Variants in PLA2G4A observed in about 807,000 individuals in gnomAD.
The protein encoded by PLA2G4A is phospholipase A2 group IVA.
A neutral mutation model predicts 81.9 loss-of-function variants in PLA2G4A; 40 were observed. That is an observed-to-expected ratio of 0.49 (90% CI 0.38 to 0.64). The LOEUF is 0.64. Ranked by LOEUF, PLA2G4A falls within the 30% of genes least tolerant of loss-of-function variation. The probability of loss-of-function intolerance (pLI) is 0.00; values close to 1 mark genes in which losing one functional copy is unlikely to be tolerated. For missense variants in PLA2G4A, 715 were observed against 905.1 expected (o/e 0.79, Z 2.69); for synonymous variants, 302 against 296.9 (o/e 1.02, Z -0.18).
chr1:186,927,350 G>A (rs895497003), intron 7 of PLA2G4A, among the ~76,000 whole-genome samples: 1 of 152,120 alleles, frequency 6.6e-6, no homozygotes, highest in African/African-American at 2.4e-5. Context: ...TTTGTGTATG[G>A]GGATTTTTGG....
intron 14 of PLA2G4A, 49 bp downstream of exon 14, chr1:186,956,393 T>A: frequency 6.5e-7 from 1 of 1,532,032 alleles, no homozygotes; most frequent in Non-Finnish European, 9.0e-7. Flanking sequence ...AGATCTTTAT[T>A]CCTTCTCTGG....
rs1289595110 is a variant in PLA2G4A at position 186,870,311 on chromosome 1, T to C, written c.34-124T>C. The C allele has an allele frequency of 4.2e-6, 3 of 709,432 alleles. No individual in the cohort carries two copies. In the African/African-American group the frequency reaches 5.3e-5, roughly 12 times the overall value. The allele number at this position is 709,432 out of a possible 1,614,324, so 43.9% of individuals were successfully genotyped here. On this transcript the variant is annotated intron_variant, in intron 2 of 17. Transcript: ENST00000367466. ...GAGTCAAAAAAGAAGCAGCCTTACA[T>C]CAAAGAATGTTTCTGGTATGCATGC... is the stretch of plus-strand genomic sequence containing the variant.
intron 6 of PLA2G4A, 92 bp from the exon 7 acceptor site, chr1:186,911,156 G>A: frequency 2.1e-6 from 2 of 974,424 alleles, no homozygotes; most frequent in South Asian, 2.6e-5. Context: ...GCATATATCA[G>A]TGTAGCTCCT....
chr1:186,962,618 T>C (rs1283266573), intron 14 of PLA2G4A, among the ~76,000 whole-genome samples: 1 of 152,024 alleles, frequency 6.6e-6, no homozygotes, highest in African/African-American at 2.4e-5. Context: ...GTCTCCCGAG[T>C]TCACGCCATT....
intron 7 of PLA2G4A, among the ~76,000 whole-genome samples, chr1:186,925,848 G>A (rs1655528002): frequency 6.6e-6 from 1 of 152,144 alleles, no homozygotes; most frequent in Non-Finnish European, 1.5e-5. Flanking sequence ...TAGAATTTAA[G>A]TTTTATGAGG....
At chr1:186,952,157 T>C (rs1258455284) in intron 13 of PLA2G4A, among the ~76,000 whole-genome samples, 1 of 152,158 alleles carries the variant, frequency 6.6e-6, no homozygotes, top group Non-Finnish European at 1.5e-5. Flanking sequence ...TTAGAATTAT[T>C]TGTGTATTGA....
chr1:186,920,719 C>T (rs137910000), intron 7 of PLA2G4A, among the ~76,000 whole-genome samples: 1 of 152,224 alleles, frequency 6.6e-6, no homozygotes, highest in Admixed American at 6.5e-5. Context: ...CCCAGAACCC[C>T]CCTTTTCCTC....
At chr1:186,955,616 A>C (rs1280613030) in intron 13 of PLA2G4A, among the ~76,000 whole-genome samples, 2 of 152,156 alleles carry the variant, frequency 1.3e-5, no homozygotes, top group African/African-American at 4.8e-5. Flanking sequence ...AAGGAGAACT[A>C]AGAACAAATT....
intron 3 of PLA2G4A, among the ~76,000 whole-genome samples, chr1:186,873,771 A>G (rs1653371053): frequency 6.6e-6 from 1 of 152,096 alleles, no homozygotes; most frequent in African/African-American, 2.4e-5. Flanking sequence ...GAAGAGTCAG[A>G]GATGACATTT....
At chr1:186,838,182 G>A (rs892847182) in intron 1 of PLA2G4A, among the ~76,000 whole-genome samples, 4 of 152,062 alleles carry the variant, frequency 2.6e-5, no homozygotes, top group African/African-American at 9.7e-5. Flanking sequence ...TTGAGAATAT[G>A]GACTTAAATT....
intron 17 of PLA2G4A, among the ~76,000 whole-genome samples, chr1:186,986,531 A>G (rs774827630): frequency 2.6e-5 from 4 of 152,304 alleles, no homozygotes; most frequent in Admixed American, 6.5e-5. Flanking sequence ...GCTGACTTAC[A>G]CAATATAATA....
At chr1:186,888,447 C>G (rs1274777295) in intron 3 of PLA2G4A, among the ~76,000 whole-genome samples, 1 of 152,090 alleles carries the variant, frequency 6.6e-6, no homozygotes, top group African/African-American at 2.4e-5. Flanking sequence ...GCCAAGTAGA[C>G]CTCACCCTCC....
chr1:186,874,344 G>A (rs1192403755), intron 3 of PLA2G4A, among the ~76,000 whole-genome samples: 4 of 147,548 alleles, frequency 2.7e-5, no homozygotes, highest in Non-Finnish European at 6.0e-5. Context: ...TGACACAAAT[G>A]CAATAGCTAC....
rs773470165 is a variant in PLA2G4A, at chr1:186,965,560, T to C, written c.1731T>C (p.Ser577=). ...GVDLIISFDF[S]ARPSDSSPPF... ...ATCTCATAATCTCCTTTGACTTTTCTGCAAGGCCAAGTGACTCTAGTCCTC... is the reference window on the plus strand; with the variant it reads ...ATCTCATAATCTCCTTTGACTTTTCCGCAAGGCCAAGTGACTCTAGTCCTC... Residue 577 remains serine (S), a synonymous_variant, in exon 15 of 18, where the codon TCT becomes TCC. Coordinates refer to ENST00000367466, the MANE Select transcript of PLA2G4A (RefSeq NM_024420.3). 1 of 1,613,476 alleles carries C rather than the reference T, an allele frequency of 6.2e-7. No homozygotes were observed. Among genetic ancestry groups the C allele is most frequent in the South Asian group, 1.1e-5 (1 of 91,080 alleles).
chr1:186,906,770 A>G (rs1409724825), intron 5 of PLA2G4A, among the ~76,000 whole-genome samples, 195 bp from the exon 6 acceptor site: 4 of 152,244 alleles, frequency 2.6e-5, no homozygotes, highest in South Asian at 2.1e-4. Context: ...ACTTACAAAA[A>G]AAATACCAAA....
intron 15 of PLA2G4A, among the ~76,000 whole-genome samples, chr1:186,967,132 T>C (rs1657160940): frequency 6.6e-6 from 1 of 152,140 alleles, no homozygotes; most frequent in Non-Finnish European, 1.5e-5. Context: ...AGCATATCTG[T>C]TTTTTTCTCT....
chr1:186,858,587 G>A (rs1035462779), intron 2 of PLA2G4A, among the ~76,000 whole-genome samples: 1 of 151,970 alleles, frequency 6.6e-6, no homozygotes, highest in Non-Finnish European at 1.5e-5. Context: ...TCTTTTGAAT[G>A]GCAGAGTATA....
At chr1:186,841,205 A>G (rs932074152) in intron 1 of PLA2G4A, among the ~76,000 whole-genome samples, 1 of 152,120 alleles carries the variant, frequency 6.6e-6, no homozygotes, top group South Asian at 2.1e-4. Flanking sequence ...ATTTATAACT[A>G]TGATTCAAAC....
chr1:186,842,949 G>C (rs372272505), intron 1 of PLA2G4A, among the ~76,000 whole-genome samples: 3 of 152,172 alleles, frequency 2.0e-5, no homozygotes, highest in Non-Finnish European at 4.4e-5. Context: ...AACTCTGCCT[G>C]TGCTTCAGGG....
Sources: allele counts gnomAD v4.1 joint callset (sites outside exome capture counted in the v4.1 genomes callset), GRCh38; gene constraint gnomAD v4.1.1; transcripts MANE v1.5; gene names NCBI Gene and HGNC (gene_info 2026-07-23, HGNC 2026-07-21).